Variants in DNAH11 observed in about 807,000 individuals in gnomAD.
DNAH11 encodes dynein axonemal heavy chain 11.
In DNAH11, 442 loss-of-function variants were observed where a neutral mutation model predicts 526.0. That is an observed-to-expected ratio of 0.84 (90% CI 0.78 to 0.91). The LOEUF (loss-of-function observed/expected upper bound fraction) is 0.91. Ranked by LOEUF, DNAH11 falls within the 40% of genes least tolerant of loss-of-function variation. The pLI, the probability that DNAH11 is intolerant of heterozygous loss-of-function variation, is 0.00. For missense variants in DNAH11, 6,989 were observed against 5,448.7 expected (o/e 1.28, Z -8.90); for synonymous variants, 2,461 against 1,935.9 (o/e 1.27, Z -7.12).
chr7:21,555,575 A>G (rs1175582784), intron 2 of DNAH11, among the ~76,000 whole-genome samples: 4 of 152,118 alleles, frequency 2.6e-5, no homozygotes, highest in Non-Finnish European at 4.4e-5. Flanking sequence ...CGAACTCCGC[A>G]CTTGCTTCAT....
intron 14 of DNAH11, among the ~76,000 whole-genome samples, chr7:21,595,077 A>G (rs1156560319): frequency 6.6e-6 from 1 of 152,198 alleles, no homozygotes; most frequent in Non-Finnish European, 1.5e-5. Flanking sequence ...AAAATACTCT[A>G]AACTGAGTAG....
chr7:21,835,548 C>T (rs114499787), intron 65 of DNAH11, among the ~76,000 whole-genome samples: 3 of 151,916 alleles, frequency 2.0e-5, no homozygotes, highest in African/African-American at 2.4e-5. Flanking sequence ...AAAACAGCTT[C>T]GATAAAATTC....
chr7:21,866,453 T>G lies in DNAH11; in HGVS notation c.11497-17T>G. The G allele has an allele frequency of 1.3e-6, 2 of 1,598,640 alleles. No homozygotes were observed. The highest frequency in any genetic ancestry group is 1.7e-4 in the Middle Eastern group (1 of 5,956). ...ATCGTTCACACCATTCCTACTTGTT[T>G]CCCTATCATATTACAGGCAATTGCC... On this transcript the variant is annotated splice_polypyrimidine_tract_variant and intron_variant, in intron 70 of 81. Coordinates refer to ENST00000409508, the MANE Select transcript of DNAH11 (RefSeq NM_001277115.2).
rs1290267206 is a variant in DNAH11, at chr7:21,748,694, G to A, written c.8625G>A (p.Glu2875=). The A allele has an allele frequency of 5.0e-6, 8 of 1,613,494 alleles. No individual in the cohort carries two copies. Among genetic ancestry groups the A allele is most frequent in the African/African-American group, 4.0e-5 (3 of 74,888 alleles). The change falls in exon 52 of 82, where the codon GAG becomes GAA. Residue 2875 remains glutamate, a synonymous_variant. Coordinates refer to ENST00000409508, the MANE Select transcript of DNAH11 (RefSeq NM_001277115.2). ...SRLAAYLRGL[E]VFQITLTEGY... is the part of the protein sequence containing the mutation. ...TGGCAGCTTACCTTCGTGGCCTTGAGGTCTTTCAGATCACTCTGACCGAGG... is the reference window on the plus strand; with the variant it reads ...TGGCAGCTTACCTTCGTGGCCTTGAAGTCTTTCAGATCACTCTGACCGAGG...
At chr7:21,757,348 G>C (rs566914719) in intron 54 of DNAH11, among the ~76,000 whole-genome samples, 1 of 152,268 alleles carries the variant, frequency 6.6e-6, no homozygotes, top group Non-Finnish European at 1.5e-5. Flanking sequence ...ATGTTGGCCT[G>C]AGGTATTTTA....
chr7:21,582,078 A>G (rs1784330322), intron 9 of DNAH11, 57 bp downstream of exon 9: 1 of 1,099,702 alleles, frequency 9.1e-7, no homozygotes, highest in Non-Finnish European at 1.4e-6. Flanking sequence ...ATAGGCTGTT[A>G]AATGAAAGGG....
At chr7:21,565,026 G>T (rs1377402498) in intron 6 of DNAH11, among the ~76,000 whole-genome samples, 1 of 152,162 alleles carries the variant, frequency 6.6e-6, no homozygotes, top group Non-Finnish European at 1.5e-5. Context: ...AAGATACTTG[G>T]ATGCTACATA....
At chr7:21,625,155 C>T (rs79823732) in intron 25 of DNAH11, among the ~76,000 whole-genome samples, 7,615 of 152,012 alleles carry the variant, frequency 0.05, 205 homozygotes, top group South Asian at 0.065. Context: ...CCGTGAAGCC[C>T]TCCTGTCCTA....
At chr7:21,751,896 G>A (rs1786428798) in intron 54 of DNAH11, among the ~76,000 whole-genome samples, 1 of 152,184 alleles carries the variant, frequency 6.6e-6, no homozygotes, top group East Asian at 1.9e-4. Context: ...GATATACTAG[G>A]ATCAAATTTT....
At chr7:21,635,191 T>A (rs1445122202) in intron 25 of DNAH11, among the ~76,000 whole-genome samples, 1 of 152,126 alleles carries the variant, frequency 6.6e-6, no homozygotes, top group Admixed American at 6.5e-5. Flanking sequence ...AGTCTCACTC[T>A]GTTGCCCAGG....
chr7:21,875,877 CTTTTT>C (rs35349937), intron 74 of DNAH11, among the ~76,000 whole-genome samples: 2 of 78,938 alleles, frequency 2.5e-5, no homozygotes, highest in African/African-American at 5.3e-5. Flanking sequence ...AAGAATATTT[CTTTTT>C]TTTTTTTTTT....
In DNAH11 at chr7:21,581,991, T is replaced by C. The variant is rs72655987; in HGVS notation, c.1680T>C (p.Phe560=). The C allele has an allele frequency of 6.2e-7, 1 of 1,613,062 alleles. No homozygotes were observed. Among genetic ancestry groups the C allele is most frequent in the Non-Finnish European group, 8.5e-7 (1 of 1,179,184 alleles). The part of the protein sequence containing the change: ...RLGTIICEAF[F]NCNGLEAAFK... Reference sequence around the variant, plus strand: ...GGACAATTATTTGTGAAGCTTTCTTTAACTGCAATGGCTTAGAAGCTGCAT... The same window carrying C: ...GGACAATTATTTGTGAAGCTTTCTTCAACTGCAATGGCTTAGAAGCTGCAT... The change falls in exon 9 of 82, where the codon TTT becomes TTC. Residue 560 remains phenylalanine, a synonymous_variant. Coordinates refer to ENST00000409508, the MANE Select transcript of DNAH11 (RefSeq NM_001277115.2).
Position 21,588,613 on chromosome 7 carries a change from A to G in DNAH11, c.1950A>G (p.Ser650=). 6.2e-7 allele frequency: 1 copy of G among 1,613,658 alleles called. No homozygotes were observed. Among genetic ancestry groups the G allele is most frequent in the Non-Finnish European group, 8.5e-7 (1 of 1,179,584 alleles). ...QVLQRLQMFW[S]NFASLRYLFL... ...TCCAACGACTTCAAATGTTTTGGTCAAACTTCGCATCTCTCCGTTATCTGT... is the reference window on the plus strand; with the variant it reads ...TCCAACGACTTCAAATGTTTTGGTCGAACTTCGCATCTCTCCGTTATCTGT... The change falls in exon 11 of 82, where the codon TCA becomes TCG. Residue 650 remains serine (S), a synonymous_variant. Transcript: ENST00000409508.
intron 43 of DNAH11, among the ~76,000 whole-genome samples, chr7:21,720,220 G>A (rs569611536): frequency 1.3e-5 from 2 of 152,172 alleles, no homozygotes; most frequent in Non-Finnish European, 2.9e-5. Flanking sequence ...AGCGCTTACC[G>A]AAAGTGGTTT....
chr7:21,550,947 G>C, intron 2 of DNAH11, among the ~76,000 whole-genome samples: 1 of 152,266 alleles, frequency 6.6e-6, no homozygotes, highest in Non-Finnish European at 1.5e-5. Context: ...CCCATGGCCT[G>C]TTTTATAATC....
At chr7:21,637,335 G>A (rs1021633194) in intron 26 of DNAH11, among the ~76,000 whole-genome samples, 3 of 148,022 alleles carry the variant, frequency 2.0e-5, no homozygotes, top group East Asian at 2.0e-4. Context: ...ATTCTTTTTC[G>A]TTTGATTTAG....
In DNAH11 at chr7:21,733,152, C is replaced by G. The variant is rs1354144569; in HGVS notation, c.7441-2488C>G. On this transcript the variant is annotated intron_variant, in intron 45 of 81. Coordinates refer to ENST00000409508, the MANE Select transcript of DNAH11 (RefSeq NM_001277115.2). ...CTGTAATTGCAGCGCTTTGGGAGGC[C>G]GAGGTGGGTGGATCACCTGAGGCCA... is the stretch of plus-strand genomic sequence containing the variant. Among the ~76,000 whole-genome samples, 4 of 152,120 alleles carry G rather than the reference C, an allele frequency of 2.6e-5. No individual in the cohort carries two copies. In the East Asian group the frequency reaches 5.8e-4, roughly 22 times the overall value.
intron 27 of DNAH11, 67 bp from the exon 28 acceptor site, chr7:21,638,872 T>G: frequency 6.5e-7 from 1 of 1,539,404 alleles, no homozygotes; most frequent in Non-Finnish European, 8.7e-7. Context: ...GACTTGAGTT[T>G]TGTTTTGCCG....
chr7:21,590,393 A>C (rs1168340025), intron 12 of DNAH11, among the ~76,000 whole-genome samples: 1 of 152,210 alleles, frequency 6.6e-6, no homozygotes, highest in African/African-American at 2.4e-5. Context: ...TTTCCATGAC[A>C]AAACACAAAA....
Sources: allele counts gnomAD v4.1 joint callset (sites outside exome capture counted in the v4.1 genomes callset), GRCh38; gene constraint gnomAD v4.1.1; transcripts MANE v1.5; gene names NCBI Gene and HGNC (gene_info 2026-07-23, HGNC 2026-07-21).